The following CDK17 variants were observed in gnomAD, a reference collection of about 807,000 sequenced individuals.
CDK17 encodes cyclin-dependent kinase 17.
In CDK17, 24 loss-of-function variants were observed where a neutral mutation model predicts 77.6. That is an observed-to-expected ratio of 0.31 (90% CI 0.22 to 0.44). The LOEUF (loss-of-function observed/expected upper bound fraction) is 0.44. Ranked by LOEUF, CDK17 falls within the 20% of genes least tolerant of loss-of-function variation. The pLI, the probability that CDK17 is intolerant of heterozygous loss-of-function variation, is 1.00. For synonymous variants in CDK17, 203 were observed against 210.4 expected (o/e 0.96, Z 0.30); for missense variants, 429 against 622.5 (o/e 0.69, Z 3.31).
chr12:96,365,788 T>C (rs565559532), intron 1 of CDK17, among the ~76,000 whole-genome samples: 2 of 152,362 alleles, frequency 1.3e-5, no homozygotes, highest in East Asian at 3.9e-4. Flanking sequence ...GCACCTATCA[T>C]CCCAGCTACT....
chr12:96,313,003 T>C (rs897668409), intron 4 of CDK17, among the ~76,000 whole-genome samples: 3 of 152,202 alleles, frequency 2.0e-5, no homozygotes, highest in Non-Finnish European at 4.4e-5. Flanking sequence ...TGCTAATGTA[T>C]CATTCTGTAT....
chr12:96,337,380 C>A (rs984991543), intron 1 of CDK17, among the ~76,000 whole-genome samples: 2 of 152,170 alleles, frequency 1.3e-5, no homozygotes, highest in Non-Finnish European at 2.9e-5. Context: ...GTCTGTCTCC[C>A]TTCTCTCCTG....
intron 1 of CDK17, among the ~76,000 whole-genome samples, chr12:96,340,327 T>C (rs1394113402): frequency 6.6e-6 from 1 of 152,154 alleles, no homozygotes; most frequent in Non-Finnish European, 1.5e-5. Flanking sequence ...TATTTTATAT[T>C]CTGTCAGGAG....
intron 1 of CDK17, among the ~76,000 whole-genome samples, chr12:96,340,832 A>C (rs1286085394): frequency 1.3e-5 from 2 of 152,212 alleles, no homozygotes; most frequent in African/African-American, 4.8e-5. Context: ...GAAGATCTTT[A>C]CACTATCATT....
chr12:96,292,574 C>T (rs1279058555), intron 10 of CDK17, among the ~76,000 whole-genome samples: 2 of 152,102 alleles, frequency 1.3e-5, no homozygotes, highest in Non-Finnish European at 2.9e-5. Context: ...CACTAGACTT[C>T]AGCCAGGGTG....
chr12:96,325,539 G>C (rs2137128379), intron 2 of CDK17, among the ~76,000 whole-genome samples: 1 of 152,338 alleles, frequency 6.6e-6, no homozygotes, highest in Non-Finnish European at 1.5e-5. Context: ...CATGTGGCCT[G>C]AGCCTCTACG....
intron 1 of CDK17, among the ~76,000 whole-genome samples, chr12:96,367,111 G>A (rs1294928985): frequency 2.0e-5 from 3 of 151,832 alleles, no homozygotes; most frequent in East Asian, 1.9e-4. Flanking sequence ...TTGGGAGGCC[G>A]AGGCGGGCGG....
At chr12:96,354,211 TGA>T (rs377664963) in intron 1 of CDK17, among the ~76,000 whole-genome samples, 90 of 152,302 alleles carry the variant, frequency 5.9e-4, no homozygotes, top group Non-Finnish European at 1.1e-3. Flanking sequence ...TCTCTGAAAG[TGA>T]GAGAGTCAGG....
intron 5 of CDK17, among the ~76,000 whole-genome samples, chr12:96,306,878 G>GT (rs1191809318): frequency 6.6e-6 from 1 of 152,136 alleles, no homozygotes; most frequent in Non-Finnish European, 1.5e-5. Context: ...AATTTTTAAT[G>GT]TATTTCCAAA....
chr12:96,314,826 C>T (rs1952689072), intron 3 of CDK17, among the ~76,000 whole-genome samples: 1 of 152,144 alleles, frequency 6.6e-6, no homozygotes, highest in African/African-American at 2.4e-5. Flanking sequence ...ATGCCTTTTC[C>T]TATTTTATCA....
intron 3 of CDK17, among the ~76,000 whole-genome samples, chr12:96,319,030 A>G (rs1237315101): frequency 6.8e-6 from 1 of 147,514 alleles, no homozygotes; most frequent in Non-Finnish European, 1.5e-5. Context: ...TGAAAGGATC[A>G]ACAAAATTGA....
intron 1 of CDK17, among the ~76,000 whole-genome samples, chr12:96,374,238 T>C (rs1043697500): frequency 1.3e-5 from 2 of 152,208 alleles, no homozygotes; most frequent in Non-Finnish European, 2.9e-5. Flanking sequence ...AGATAACTAA[T>C]CTGCAAACAC....
intron 16 of CDK17, 145 bp downstream of exon 16, chr12:96,280,663 G>GT: frequency 1.4e-6 from 2 of 1,440,122 alleles, no homozygotes; most frequent in South Asian, 3.0e-5. Flanking sequence ...AAGTGAGTAC[G>GT]TGCAATGCTA....
At chr12:96,310,158 T>C (rs979634916) in intron 5 of CDK17, among the ~76,000 whole-genome samples, 1 of 152,100 alleles carries the variant, frequency 6.6e-6, no homozygotes, top group Non-Finnish European at 1.5e-5. Context: ...GAATTATCTA[T>C]AATTACATGC....
intron 1 of CDK17, among the ~76,000 whole-genome samples, chr12:96,336,499 C>T (rs1484666339): frequency 6.6e-6 from 1 of 152,096 alleles, no homozygotes; most frequent in Non-Finnish European, 1.5e-5. Flanking sequence ...TAAAAATCCA[C>T]TAAAATAAAA....
rs377274185 is a variant in CDK17 at position 96,282,605 on chromosome 12, A to G, written c.1366-6T>C. Reference sequence around the variant, plus strand: ...ACCCTTTTCTTAGATTCATACTGTGAAAAAGCAAAGAACTGCTTCATTAGC... The same window carrying G: ...ACCCTTTTCTTAGATTCATACTGTGGAAAAGCAAAGAACTGCTTCATTAGC... On this transcript the variant is annotated splice_region_variant and splice_polypyrimidine_tract_variant and intron_variant, in intron 14 of 16. Transcript: ENST00000261211. 1.9e-5 allele frequency: 31 copies of G among 1,592,866 alleles called. No homozygotes were observed. In the African/African-American group the frequency reaches 3.9e-4, roughly 20 times the overall value.
intron 1 of CDK17, among the ~76,000 whole-genome samples, chr12:96,354,584 T>C (rs925833677): frequency 2.0e-5 from 3 of 152,174 alleles, no homozygotes; most frequent in African/African-American, 7.2e-5. Context: ...TAGAATTTAA[T>C]GTTTAGAGCA....
At position 96,400,292 on chromosome 12, in the gene CDK17, G is replaced by T. The variant is rs974968555; in HGVS notation, c.-336C>A. 2 of 390,690 alleles carry T rather than the reference G, an allele frequency of 5.1e-6. No homozygotes were observed. Among genetic ancestry groups the T allele is most frequent in the South Asian group, 2.6e-4 (2 of 7,766 alleles). 24.2% of individuals were successfully genotyped at this position (390,690 alleles called of 1,614,324 possible). A position where few individuals can be genotyped will look rare whatever the true frequency, so the allele number is the denominator to read the frequency against. On this transcript the variant is annotated 5_prime_UTR_variant, in exon 1 of 17. Transcript: ENST00000261211. ...CGGAGCAGCCGGGCGCGAGCGCGGC[G>T]GGCGCCGACGGCGGGCTGAGACTGT...
At chr12:96,290,460 G>A (rs1158972232) in intron 10 of CDK17, among the ~76,000 whole-genome samples, 2 of 152,142 alleles carry the variant, frequency 1.3e-5, no homozygotes, top group Non-Finnish European at 2.9e-5. Context: ...CAATTTTACT[G>A]AATAAGGTTA....
Sources: allele counts gnomAD v4.1 joint callset (sites outside exome capture counted in the v4.1 genomes callset), GRCh38; gene constraint gnomAD v4.1.1; transcripts MANE v1.5; gene names NCBI Gene and HGNC (gene_info 2026-07-23, HGNC 2026-07-21).